Variants in TMTC1 observed in about 807,000 individuals in gnomAD.
TMTC1 encodes the protein protein O-mannosyl-transferase TMTC1.
In TMTC1, 73 loss-of-function variants were observed where a neutral mutation model predicts 104.8. That is an observed-to-expected ratio of 0.70 (90% confidence interval 0.58 to 0.85). The LOEUF (loss-of-function observed/expected upper bound fraction) is 0.85, where lower values mean the gene tolerates loss of function less well. Ranked by LOEUF, TMTC1 falls within the 40% of genes least tolerant of loss-of-function variation. The pLI, the probability that TMTC1 is intolerant of heterozygous loss-of-function variation, is 0.00. For synonymous variants in TMTC1, 434 were observed against 428.7 expected (o/e 1.01, Z -0.15); for missense variants, 1,035 against 1,096.1 (o/e 0.94, Z 0.79).
At chr12:29,665,883 T>C (rs1940256439) in intron 5 of TMTC1, among the ~76,000 whole-genome samples, 1 of 152,230 alleles carries the variant, frequency 6.6e-6, no homozygotes, top group Admixed American at 6.5e-5. Flanking sequence ...TAGGTCTATT[T>C]AGCCAGAATT....
At chr12:29,542,835 G>C (rs899223371) in intron 10 of TMTC1, among the ~76,000 whole-genome samples, 20 of 152,148 alleles carry the variant, frequency 1.3e-4, no homozygotes, top group Non-Finnish European at 8.8e-5. Context: ...ATGGGGTTGG[G>C]CAGAGTAGAA....
At chr12:29,694,499 C>T (rs1279295504) in intron 5 of TMTC1, among the ~76,000 whole-genome samples, 2 of 152,020 alleles carry the variant, frequency 1.3e-5, no homozygotes, top group Non-Finnish European at 2.9e-5. Context: ...AGTTGTTATA[C>T]TGTATTGCTT....
chr12:29,576,503 AC>A (rs1410719087), intron 8 of TMTC1, among the ~76,000 whole-genome samples: 1 of 152,220 alleles, frequency 6.6e-6, no homozygotes, highest in Non-Finnish European at 1.5e-5. Context: ...CCTGAGGGAC[AC>A]TATGCTAAGT....
At position 29,600,008 on chromosome 12, in the gene TMTC1, A is replaced by ATATATATATATAT. The variant is rs59108744; in HGVS notation, c.1250+4169_1250+4170insATATATATATATA. Among the ~76,000 whole-genome samples, 211 of 118,660 alleles carry ATATATATATATAT rather than the reference A, an allele frequency of 1.8e-3. 5 individuals carry two copies. The highest frequency in any genetic ancestry group is 7.7e-3 in the African/African-American group (200 of 26,106). 77.8% of individuals were successfully genotyped at this position (118,660 alleles called of 152,430 possible). ...TGTGTATATACATATATATATATAT[A>ATATATATATATAT]TTTTTTTTTTTTTTTCCCTCAAAAG... is the stretch of plus-strand genomic sequence containing the variant. On this transcript the variant is annotated intron_variant, in intron 7 of 17. Coordinates refer to ENST00000539277, the MANE Select transcript of TMTC1 (RefSeq NM_001193451.2).
intron 7 of TMTC1, among the ~76,000 whole-genome samples, chr12:29,585,655 C>T (rs1746171242): frequency 6.6e-6 from 1 of 150,596 alleles, no homozygotes; most frequent in Non-Finnish European, 1.5e-5. Flanking sequence ...CAGCTTTCTA[C>T]ATATGGCTAG....
chr12:29,750,635 T>C (rs1340178452), intron 5 of TMTC1, among the ~76,000 whole-genome samples: 1 of 151,988 alleles, frequency 6.6e-6, no homozygotes, highest in Admixed American at 6.6e-5. Flanking sequence ...AAGAGGGAGT[T>C]TTAAGGGACT....
rs763523981 is a variant in TMTC1 at position 29,633,300 on chromosome 12, C to G, written c.975G>C (p.Val325=). 2 of 1,613,384 alleles carry G rather than the reference C, an allele frequency of 1.2e-6. No individual in the cohort carries two copies. The highest frequency in any genetic ancestry group is 2.2e-5 in the South Asian group (2 of 91,024). Residue 325 remains valine (V), a synonymous_variant, in exon 6 of 18, where the codon GTG becomes GTC. Coordinates refer to ENST00000539277, the MANE Select transcript of TMTC1 (RefSeq NM_001193451.2). ...LTYSYLLAFN[V]WLLLAPVTLC... ...GGGTCACGGGTGCAAGCAGAAGCCA[C>G]ACATTGAAGGCCAAGAGGTAGGAAT...
chr12:29,689,601 G>A (rs1941203618), intron 5 of TMTC1, among the ~76,000 whole-genome samples: 1 of 152,146 alleles, frequency 6.6e-6, no homozygotes, highest in Admixed American at 6.5e-5. Flanking sequence ...AATTTCTACT[G>A]CTTTTATAAG....
rs1383662051 is a variant in TMTC1, at chr12:29,583,294, G to C, written c.1418+113C>G. The C allele has an allele frequency of 1.8e-5, 17 of 955,002 alleles. 1 individual carries two copies. The East Asian group carries it at 4.8e-4, about 27-fold the overall frequency. 59.2% of individuals were successfully genotyped at this position (955,002 alleles called of 1,614,324 possible). On this transcript the variant is annotated intron_variant, in intron 8 of 17. Transcript: ENST00000539277. ...ATCTTCCATTTAAAACTTTATTAAA[G>C]ATAATTTTCCTTAGTAAATACTGCC...
chr12:29,643,436 T>C (rs1938966402), intron 5 of TMTC1, among the ~76,000 whole-genome samples: 2 of 125,412 alleles, frequency 1.6e-5, no homozygotes, highest in African/African-American at 5.8e-5. Context: ...CTGTGATATA[T>C]ATATATATAT....
chr12:29,524,051 A>G (rs764149942), intron 11 of TMTC1, among the ~76,000 whole-genome samples: 1 of 152,136 alleles, frequency 6.6e-6, no homozygotes, highest in Non-Finnish European at 1.5e-5. Context: ...GTCTCAGTAC[A>G]TCATTTATTG....
At chr12:29,620,796 C>T (rs1937633773) in intron 6 of TMTC1, among the ~76,000 whole-genome samples, 2 of 152,176 alleles carry the variant, frequency 1.3e-5, no homozygotes. Flanking sequence ...AGAACATTAT[C>T]AGCACAGGAA....
chr12:29,782,247 G>A (rs1163996578), intron 1 of TMTC1, among the ~76,000 whole-genome samples: 2 of 152,234 alleles, frequency 1.3e-5, no homozygotes, highest in East Asian at 3.8e-4. Context: ...AGTCAAATAT[G>A]TAATTTTCTC....
intron 5 of TMTC1, among the ~76,000 whole-genome samples, chr12:29,665,215 T>C (rs549755182): frequency 6.6e-6 from 1 of 152,190 alleles, no homozygotes; most frequent in Non-Finnish European, 1.5e-5. Context: ...ACCCTTCACC[T>C]GGAGGAGGCC....
intron 5 of TMTC1, among the ~76,000 whole-genome samples, chr12:29,636,312 C>A (rs1050803479): frequency 1.3e-5 from 2 of 152,162 alleles, no homozygotes; most frequent in Non-Finnish European, 2.9e-5. Flanking sequence ...AATAGTAACA[C>A]TTTCTTATCT....
chr12:29,581,738 G>A (rs159698), intron 8 of TMTC1, among the ~76,000 whole-genome samples: 3 of 151,368 alleles, frequency 2.0e-5, no homozygotes, highest in Non-Finnish European at 4.4e-5. Context: ...TTCTAAAGAT[G>A]CTCGTAAAAG....
At chr12:29,752,878 A>G (rs886727990) in intron 4 of TMTC1, among the ~76,000 whole-genome samples, 1 of 152,232 alleles carries the variant, frequency 6.6e-6, no homozygotes. Flanking sequence ...TTCCCTCTGG[A>G]GAGAGAGGAT....
intron 17 of TMTC1, among the ~76,000 whole-genome samples, chr12:29,507,975 C>A (rs1411036888): frequency 6.6e-6 from 1 of 152,196 alleles, no homozygotes; most frequent in Non-Finnish European, 1.5e-5. Flanking sequence ...AGTGAAGACA[C>A]CATGTAGCAA....
At chr12:29,539,447 A>T (rs1944733831) in intron 10 of TMTC1, among the ~76,000 whole-genome samples, 1 of 152,198 alleles carries the variant, frequency 6.6e-6, no homozygotes, top group African/African-American at 2.4e-5. Flanking sequence ...CGACAACGGG[A>T]AGAACTTTTT....
Sources: allele counts gnomAD v4.1 joint callset (sites outside exome capture counted in the v4.1 genomes callset), GRCh38; gene constraint gnomAD v4.1.1; transcripts MANE v1.5; gene names NCBI Gene and HGNC (gene_info 2026-07-23, HGNC 2026-07-21).